The following ATXN1 variants were observed in gnomAD, a reference collection of about 807,000 sequenced individuals.
ATXN1 encodes the protein ataxin-1.
ATXN1 carries 8 observed loss-of-function variants against 56.4 expected under a neutral mutation model. The ratio of observed to expected loss-of-function variants is 0.14; its 90% CI spans 0.08 to 0.26. The LOEUF (loss-of-function observed/expected upper bound fraction) is 0.26, where lower values mean the gene tolerates loss of function less well. ATXN1 is among the 10% of genes least tolerant of loss of function. The probability of loss-of-function intolerance (pLI) is 1.00; values close to 1 mark genes in which losing one functional copy is unlikely to be tolerated. For synonymous variants in ATXN1, 514 were observed against 494.6 expected (o/e 1.04, Z -0.52); for missense variants, 987 against 1,106.5 (o/e 0.89, Z 1.53).
In ATXN1 at chr6:16,758,233, A is replaced by T. The variant is rs1289432460; in HGVS notation, c.-730+3065T>A. Among the ~76,000 whole-genome samples the T allele has an allele frequency of 5.9e-5, 9 of 152,372 alleles. No individual in the cohort carries two copies. In the East Asian group the frequency reaches 1.7e-3, roughly 29 times the overall value. On this transcript the variant is annotated intron_variant, in intron 1 of 7. Coordinates refer to ENST00000436367, the MANE Select transcript of ATXN1 (RefSeq NM_001128164.2). Reference sequence around the variant, plus strand: ...CCCTGAGTAAACCCTTTAGAAATCCAGCCATCGCTATGGGCAATGGAGGTT... The same window carrying T: ...CCCTGAGTAAACCCTTTAGAAATCCTGCCATCGCTATGGGCAATGGAGGTT...
chr6:16,703,891 C>T (rs144584850), intron 2 of ATXN1, among the ~76,000 whole-genome samples: 85 of 152,266 alleles, frequency 5.6e-4, no homozygotes, highest in African/African-American at 1.7e-3. Context: ...TGATGGCGCA[C>T]GCCTGTAATC....
intron 2 of ATXN1, among the ~76,000 whole-genome samples, chr6:16,729,770 A>G (rs1372191451): frequency 6.6e-6 from 1 of 152,188 alleles, no homozygotes; most frequent in East Asian, 1.9e-4. Context: ...TGCAACGGTT[A>G]TATTTTTGTT....
chr6:16,586,878 G>C (rs918558729), intron 3 of ATXN1, among the ~76,000 whole-genome samples: 4 of 152,032 alleles, frequency 2.6e-5, no homozygotes, highest in African/African-American at 7.2e-5. Flanking sequence ...AATTAGCCAC[G>C]CATGGTGGTG....
chr6:16,542,330 T>C (rs556295173), intron 4 of ATXN1, among the ~76,000 whole-genome samples: 3 of 152,260 alleles, frequency 2.0e-5, no homozygotes, highest in Admixed American at 6.5e-5. Flanking sequence ...AAATCTAAAT[T>C]GCGCTCTTCA....
At chr6:16,695,785 CCT>C (rs1759152469) in intron 2 of ATXN1, among the ~76,000 whole-genome samples, 1 of 151,908 alleles carries the variant, frequency 6.6e-6, no homozygotes. Context: ...GGAATGAGAC[CCT>C]GTCTTTACAA....
At chr6:16,476,956 G>A (rs1760337850) in intron 6 of ATXN1, among the ~76,000 whole-genome samples, 4 of 152,192 alleles carry the variant, frequency 2.6e-5, no homozygotes, top group Admixed American at 1.3e-4. Context: ...CGACTTGAGT[G>A]TGGTCATTCA....
At chr6:16,395,081 G>C (rs771419501) in intron 6 of ATXN1, among the ~76,000 whole-genome samples, 15 of 151,778 alleles carry the variant, frequency 9.9e-5, no homozygotes, top group Non-Finnish European at 2.1e-4. Flanking sequence ...AGACCAGTCG[G>C]ACCAACATGG....
chr6:16,618,761 A>AG (rs1162728097), intron 3 of ATXN1, among the ~76,000 whole-genome samples: 1 of 152,072 alleles, frequency 6.6e-6, no homozygotes, highest in African/African-American at 2.4e-5. Context: ...GGGAAAAAAA[A>AG]AAAGCAAAAC....
intron 2 of ATXN1, among the ~76,000 whole-genome samples, chr6:16,677,294 A>AT (rs1758707905): frequency 6.6e-6 from 1 of 152,238 alleles, no homozygotes; most frequent in African/African-American, 2.4e-5. Flanking sequence ...GGAGTCTTCT[A>AT]TTTTTTGATT....
chr6:16,448,856 G>A (rs1422203226), intron 6 of ATXN1, among the ~76,000 whole-genome samples: 2 of 152,116 alleles, frequency 1.3e-5, no homozygotes, highest in Non-Finnish European at 2.9e-5. Flanking sequence ...TTGCATGAAG[G>A]GTTTTCTTAA....
intron 5 of ATXN1, among the ~76,000 whole-genome samples, chr6:16,490,042 A>G (rs73366776): frequency 0.012 from 1,790 of 150,504 alleles, 22 homozygotes; most frequent in African/African-American, 0.04. Flanking sequence ...GGCCAGAGAG[A>G]TGCTGAGGAT....
At chr6:16,385,829 C>T (rs969544498) in intron 6 of ATXN1, among the ~76,000 whole-genome samples, 1 of 152,196 alleles carries the variant, frequency 6.6e-6, no homozygotes, top group Admixed American at 6.6e-5. Flanking sequence ...TAGCTTGCAA[C>T]TTATTCAAAG....
intron 3 of ATXN1, among the ~76,000 whole-genome samples, chr6:16,596,257 A>C (rs1288606855): frequency 6.6e-6 from 1 of 152,186 alleles, no homozygotes; most frequent in Non-Finnish European, 1.5e-5. Context: ...TTGGCCTCCC[A>C]AAGTGCTGGA....
chr6:16,346,200 C>T (rs549092663), intron 6 of ATXN1, among the ~76,000 whole-genome samples: 3 of 152,240 alleles, frequency 2.0e-5, no homozygotes, highest in African/African-American at 7.2e-5. Context: ...GGATTACAGG[C>T]GCCTGCCACC....
At chr6:16,405,026 C>G (rs1170895953) in intron 6 of ATXN1, among the ~76,000 whole-genome samples, 1 of 152,232 alleles carries the variant, frequency 6.6e-6, no homozygotes, top group African/African-American at 2.4e-5. Flanking sequence ...AGAAGCAAGA[C>G]TTTCTCATTT....
At chr6:16,504,409 G>A (rs1005648005) in intron 5 of ATXN1, among the ~76,000 whole-genome samples, 3 of 151,984 alleles carry the variant, frequency 2.0e-5, no homozygotes, top group African/African-American at 7.3e-5. Context: ...TCTGAACTCA[G>A]GACTTATTTT....
chr6:16,469,960 CAAAA>C (rs5874559), intron 6 of ATXN1, among the ~76,000 whole-genome samples: 1 of 138,822 alleles, frequency 7.2e-6, no homozygotes. Flanking sequence ...AACTCTGTCT[CAAAA>C]AAAAAAAAAA....
chr6:16,674,336 CTTTTTTTTTTTTTT>C (rs869081370), intron 2 of ATXN1, among the ~76,000 whole-genome samples: 1 of 78,132 alleles, frequency 1.3e-5, no homozygotes, highest in Admixed American at 1.8e-4. Context: ...AGAGAACTTT[CTTTTTTTTTTTTTT>C]TTTTTTTTTT....
intron 4 of ATXN1, among the ~76,000 whole-genome samples, chr6:16,537,707 A>AAAAAAAAG (rs570341586): frequency 4.6e-5 from 7 of 151,288 alleles, no homozygotes; most frequent in Admixed American, 2.6e-4. Context: ...ACTCTGTCTC[A>AAAAAAAAG]AAAAAAAGAA....
Sources: allele counts gnomAD v4.1 joint callset (sites outside exome capture counted in the v4.1 genomes callset), GRCh38; gene constraint gnomAD v4.1.1; transcripts MANE v1.5; gene names NCBI Gene and HGNC (gene_info 2026-07-23, HGNC 2026-07-21).